PHKB: variants seen among roughly 807,000 people sequenced by gnomAD.
PHKB encodes the protein phosphorylase b kinase regulatory subunit beta.
In PHKB, 122 loss-of-function variants were observed where a neutral mutation model predicts 152.1. The observed-to-expected ratio is 0.80, with a 90% CI of 0.69 to 0.93. The LOEUF is 0.93. Ranked by LOEUF, PHKB falls within the 40% of genes least tolerant of loss-of-function variation. PHKB has a pLI of 0.00. For synonymous variants in PHKB, 436 were observed against 464.9 expected (o/e 0.94, Z 0.80); for missense variants, 1,304 against 1,328.4 (o/e 0.98, Z 0.29).
chr16:47,533,715 G>A (rs1329226529), intron 6 of PHKB, among the ~76,000 whole-genome samples: 1 of 152,164 alleles, frequency 6.6e-6, no homozygotes, highest in East Asian at 1.9e-4. Flanking sequence ...CCAAGCCTGC[G>A]AGGGCAGGGA....
chr16:47,499,106 T>G (rs1490055432), intron 2 of PHKB, among the ~76,000 whole-genome samples: 1 of 152,228 alleles, frequency 6.6e-6, no homozygotes, highest in Admixed American at 6.5e-5. Flanking sequence ...TCATAAAAAA[T>G]TATTTACTTG....
rs577025995 is a variant in PHKB, at chr16:47,694,274, T to C, written c.2895+767T>C. Among the ~76,000 whole-genome samples, 3 of 152,362 alleles carry C rather than the reference T, an allele frequency of 2.0e-5. No individual in the cohort carries two copies. In the South Asian group the frequency reaches 6.2e-4, roughly 32 times the overall value. ...CCTGGCATCTAAGTCATTCTACTTA[T>C]ACACAAAAGAGAAGGATTAGCCTTT... On this transcript the variant is annotated intron_variant, in intron 28 of 30. Coordinates refer to ENST00000323584, the MANE Select transcript of PHKB (RefSeq NM_000293.3).
At chr16:47,657,255 T>C (rs1273912009) in intron 20 of PHKB, among the ~76,000 whole-genome samples, 1 of 152,196 alleles carries the variant, frequency 6.6e-6, no homozygotes, top group Non-Finnish European at 1.5e-5. Flanking sequence ...GTGGGAAATA[T>C]TTAAATATTG....
chr16:47,566,495 C>T, intron 7 of PHKB: 1 of 1,607,292 alleles, frequency 6.2e-7, no homozygotes, highest in Non-Finnish European at 8.5e-7. Context: ...CTTTCAACTT[C>T]TCTGGATTGC....
chr16:47,615,891 A>C (rs1427402927), intron 14 of PHKB, among the ~76,000 whole-genome samples: 1 of 152,218 alleles, frequency 6.6e-6, no homozygotes, highest in Non-Finnish European at 1.5e-5. Flanking sequence ...TTTATTTTTT[A>C]ATAGCAGCTT....
chr16:47,480,678 C>T (rs1969948883), intron 1 of PHKB, among the ~76,000 whole-genome samples: 1 of 152,108 alleles, frequency 6.6e-6, no homozygotes, highest in African/African-American at 2.4e-5. Context: ...TATCCATTGT[C>T]ATAACTCCAG....
At chr16:47,647,776 C>T (rs879127268) in intron 16 of PHKB, among the ~76,000 whole-genome samples, 8 of 152,164 alleles carry the variant, frequency 5.3e-5, no homozygotes, top group African/African-American at 1.2e-4. Flanking sequence ...GGATTACAGG[C>T]GTGAGCCACC....
chr16:47,562,799 A>T (rs1971498415), intron 7 of PHKB, among the ~76,000 whole-genome samples: 1 of 152,220 alleles, frequency 6.6e-6, no homozygotes, highest in Non-Finnish European at 1.5e-5. Flanking sequence ...GTAACACATG[A>T]TGCTGTTTGA....
intron 13 of PHKB, among the ~76,000 whole-genome samples, chr16:47,598,423 C>T (rs568799187): frequency 6.6e-6 from 1 of 152,182 alleles, no homozygotes; most frequent in Admixed American, 6.5e-5. Flanking sequence ...TTCCCATGAC[C>T]TCTCTGTTCA....
At chr16:47,631,711 GA>G (rs2151721154) in intron 14 of PHKB, among the ~76,000 whole-genome samples, 1 of 152,220 alleles carries the variant, frequency 6.6e-6, no homozygotes, top group South Asian at 2.1e-4. Flanking sequence ...TCCCGCTTAT[GA>G]ATGAAAACAT....
In PHKB at chr16:47,533,993, C is replaced by A. The variant is rs566650571; in HGVS notation, c.595-13440C>A. On this transcript the variant is annotated intron_variant, in intron 6 of 30. Coordinates refer to ENST00000323584, the MANE Select transcript of PHKB (RefSeq NM_000293.3). ...TGCACCCAGGATGGTGGGGCTCCCCCCTCCTCCCAGGCCCCAAGAGTACAG... is the reference window on the plus strand; with the variant it reads ...TGCACCCAGGATGGTGGGGCTCCCCACTCCTCCCAGGCCCCAAGAGTACAG... 1.2e-4 allele frequency among the ~76,000 whole-genome samples: 18 copies of A among 152,276 alleles called. No individual in the cohort carries two copies. In the South Asian group the frequency reaches 3.1e-3, roughly 26 times the overall value.
intron 4 of PHKB, among the ~76,000 whole-genome samples, chr16:47,503,806 C>T (rs568589020): frequency 9.9e-5 from 15 of 151,588 alleles, no homozygotes; most frequent in African/African-American, 2.2e-4. Context: ...TCCAGCCTGG[C>T]GACAGAGCAA....
intron 7 of PHKB, among the ~76,000 whole-genome samples, chr16:47,556,216 AG>A (rs1361449844): frequency 1.3e-5 from 2 of 152,236 alleles, no homozygotes; most frequent in African/African-American, 4.8e-5. Flanking sequence ...ATCTGCAAAC[AG>A]GGACAGTTTG....
intron 6 of PHKB, among the ~76,000 whole-genome samples, chr16:47,523,134 T>A (rs1433986477): frequency 6.6e-6 from 1 of 152,164 alleles, no homozygotes; most frequent in Non-Finnish European, 1.5e-5. Context: ...TGTTTGGACT[T>A]TATCAGGGAC....
At position 47,650,519 on chromosome 16, in the gene PHKB, C is replaced by T. The variant is rs981726226; in HGVS notation, c.1798-25C>T. The T allele has an allele frequency of 2.9e-6, 4 of 1,369,768 alleles. No homozygotes were observed. In the East Asian group the frequency reaches 6.9e-5, roughly 23 times the overall value. The allele number at this position is 1,369,768 out of a possible 1,614,324, so 84.9% of individuals were successfully genotyped here. ...GTTCATCTTAGATACTGTGCCATTA[C>T]ATCCTACCTCATTCTGTTTGACAGA... is the stretch of plus-strand genomic sequence containing the variant. On this transcript the variant is annotated intron_variant, in intron 18 of 30. Coordinates refer to ENST00000323584, the MANE Select transcript of PHKB (RefSeq NM_000293.3).
At position 47,562,681 on chromosome 16, in the gene PHKB, C is replaced by G. The variant is rs9925868; in HGVS notation, c.710+15133C>G. Among the ~76,000 whole-genome samples, 1,507 of 152,324 alleles carry G rather than the reference C, an allele frequency of 9.9e-3. 28 individuals carry two copies. The highest frequency in any genetic ancestry group is 0.034 in the African/African-American group (1,434 of 41,570). ...TCAGTCTTGATGGCTGCTGACTGAT[C>G]AGGCTGATGGTTGCTGAAGATTGGA... is the stretch of plus-strand genomic sequence containing the variant. On this transcript the variant is annotated intron_variant, in intron 7 of 30. Transcript: ENST00000323584.
At chr16:47,629,244 A>G (rs1418782517) in intron 14 of PHKB, among the ~76,000 whole-genome samples, 8 of 152,166 alleles carry the variant, frequency 5.3e-5, no homozygotes, top group South Asian at 2.1e-4. Context: ...GCAACCTACA[A>G]AATGGGAGAA....
At chr16:47,676,564 T>C (rs1415742873) in intron 26 of PHKB, among the ~76,000 whole-genome samples, 1 of 152,198 alleles carries the variant, frequency 6.6e-6, no homozygotes, top group African/African-American at 2.4e-5. Flanking sequence ...TCTCTCTTAG[T>C]GTTTTTTTAA....
rs1052666202 is a variant in PHKB, at chr16:47,700,466, A to G, written c.*1100A>G. 1 of 152,080 alleles carries G rather than the reference A, an allele frequency of 6.6e-6. No homozygotes were observed. Among genetic ancestry groups the G allele is most frequent in the African/African-American group, 2.4e-5 (1 of 41,442 alleles). The allele number at this position is 152,080 out of a possible 1,614,324, so 9.4% of individuals were successfully genotyped here. On this transcript the variant is annotated 3_prime_UTR_variant, in exon 31 of 31. Coordinates refer to ENST00000323584, the MANE Select transcript of PHKB (RefSeq NM_000293.3). ...TTAAATTTTATTTCTGAATTAATGA[A>G]CATATCTGGACATTTTTTGTTCCTA... is the stretch of plus-strand genomic sequence containing the variant.
Sources: gnomAD v4.1 joint callset for allele counts (sites outside exome capture counted in the v4.1 genomes callset) on GRCh38, gnomAD v4.1.1 for gene constraint, MANE v1.5 for transcripts, NCBI Gene and HGNC (gene_info 2026-07-23, HGNC 2026-07-21) for gene names.